CSMD1: variants seen among roughly 807,000 people sequenced by gnomAD.
CSMD1 encodes CUB and Sushi multiple domains 1.
Under a neutral mutation model 417.5 loss-of-function variants are expected in CSMD1, and 213 were observed. That is an observed-to-expected ratio of 0.51 (90% CI 0.46 to 0.57). The LOEUF is 0.57. CSMD1 is among the 20% of genes least tolerant of loss of function. The pLI is 0.00. For missense variants in CSMD1, 6,923 were observed against 4,529.7 expected (o/e 1.53, Z -15.17); for synonymous variants, 2,862 against 1,736.8 (o/e 1.65, Z -16.11).
At chr8:4,278,707 C>G (rs1198778210) in intron 3 of CSMD1, among the ~76,000 whole-genome samples, 2 of 152,086 alleles carry the variant, frequency 1.3e-5, no homozygotes, top group African/African-American at 4.8e-5. Flanking sequence ...CTAACAAAAC[C>G]AGCTTGTAAC....
chr8:4,851,610 G>T (rs1019566728), intron 1 of CSMD1, among the ~76,000 whole-genome samples: 1 of 152,012 alleles, frequency 6.6e-6, no homozygotes, highest in Non-Finnish European at 1.5e-5. Context: ...CCAACTCCAT[G>T]TGGGAGTTTC....
intron 3 of CSMD1, among the ~76,000 whole-genome samples, chr8:4,409,718 C>A (rs912069467): frequency 2.7e-5 from 4 of 150,888 alleles, no homozygotes; most frequent in African/African-American, 2.4e-5. Flanking sequence ...TGGACACAGG[C>A]TTCCCAAGAT....
chr8:3,663,132 G>T (rs7831960), intron 7 of CSMD1, among the ~76,000 whole-genome samples: 1,812 of 152,264 alleles, frequency 0.012, 40 homozygotes, highest in African/African-American at 0.042. Flanking sequence ...GGGGCCTCAG[G>T]AGAGGCCGAC....
chr8:3,287,116 C>A (rs551022252), intron 25 of CSMD1, among the ~76,000 whole-genome samples: 2 of 151,800 alleles, frequency 1.3e-5, no homozygotes, highest in East Asian at 3.9e-4. Context: ...TCAGGTTTGT[C>A]AAAGATCAGA....
intron 5 of CSMD1, among the ~76,000 whole-genome samples, chr8:3,809,175 A>C (rs1345891897): frequency 1.3e-5 from 2 of 152,026 alleles, no homozygotes; most frequent in South Asian, 2.1e-4. Context: ...CCTCATTCTT[A>C]CTGTCCTTTA....
At chr8:4,439,240 TTGC>T (rs1373908408) in intron 2 of CSMD1, among the ~76,000 whole-genome samples, 3 of 152,276 alleles carry the variant, frequency 2.0e-5, no homozygotes, top group East Asian at 3.9e-4. Flanking sequence ...ATGAAATATA[TTGC>T]TTCTATTAAA....
chr8:3,497,466 G>A (rs535547500), intron 10 of CSMD1, among the ~76,000 whole-genome samples: 153 of 152,138 alleles, frequency 1.0e-3, no homozygotes, highest in Non-Finnish European at 1.8e-3. Flanking sequence ...GAGTGCAGTG[G>A]TGCAATCTCA....
At chr8:4,030,133 G>T (rs1158280127) in intron 4 of CSMD1, among the ~76,000 whole-genome samples, 1 of 152,162 alleles carries the variant, frequency 6.6e-6, no homozygotes, top group Non-Finnish European at 1.5e-5. Flanking sequence ...CCAGGTGCAT[G>T]ATGCAAGGTG....
chr8:4,897,941 G>C (rs1207690848), intron 1 of CSMD1, among the ~76,000 whole-genome samples: 1 of 151,996 alleles, frequency 6.6e-6, no homozygotes, highest in Non-Finnish European at 1.5e-5. Context: ...CTAAACATAA[G>C]TCTAATTTTT....
chr8:3,438,715 A>G (rs1175858078), intron 12 of CSMD1, among the ~76,000 whole-genome samples: 3 of 152,136 alleles, frequency 2.0e-5, no homozygotes, highest in Non-Finnish European at 4.4e-5. Flanking sequence ...TATTCCTGCT[A>G]CTATTACTTA....
chr8:3,355,617 C>A (rs1415761562), intron 21 of CSMD1, among the ~76,000 whole-genome samples: 14 of 152,148 alleles, frequency 9.2e-5, no homozygotes, highest in African/African-American at 3.1e-4. Context: ...GGGGCTACAG[C>A]ACTGTATGTG....
intron 49 of CSMD1, among the ~76,000 whole-genome samples, chr8:3,054,230 G>A (rs1397806489): frequency 6.6e-6 from 1 of 152,178 alleles, no homozygotes; most frequent in Non-Finnish European, 1.5e-5. Flanking sequence ...AGAAGTAAAA[G>A]AAAATGTATT....
chr8:3,388,409 G>C (rs1811142647), intron 17 of CSMD1, among the ~76,000 whole-genome samples: 1 of 152,072 alleles, frequency 6.6e-6, no homozygotes, highest in East Asian at 1.9e-4. Flanking sequence ...ATGAGAATAA[G>C]GGAAAAGAAT....
At chr8:4,197,458 G>C (rs755346949) in intron 3 of CSMD1, among the ~76,000 whole-genome samples, 1 of 152,132 alleles carries the variant, frequency 6.6e-6, no homozygotes, top group African/African-American at 2.4e-5. Context: ...GGTGGGCCCC[G>C]TTTCATCACT....
chr8:3,793,039 G>C (rs1239966944), intron 5 of CSMD1, among the ~76,000 whole-genome samples: 2 of 152,130 alleles, frequency 1.3e-5, no homozygotes, highest in East Asian at 1.9e-4. Flanking sequence ...GGATGGGCGA[G>C]TGCTAAGAAT....
chr8:3,078,888 T>C (rs1342730374), intron 49 of CSMD1, among the ~76,000 whole-genome samples: 4 of 152,310 alleles, frequency 2.6e-5, no homozygotes, highest in Admixed American at 2.6e-4. Context: ...GCATGCGAGT[T>C]CCTTTTTTGT....
chr8:4,436,716 T>C (rs1039114424), intron 2 of CSMD1, among the ~76,000 whole-genome samples: 1 of 152,160 alleles, frequency 6.6e-6, no homozygotes, highest in East Asian at 1.9e-4. Context: ...ACTCCCTATG[T>C]CCATGAGTTT....
In CSMD1 at chr8:4,118,451, C is replaced by G. The variant is rs73173880; in HGVS notation, c.416-86352G>C. On this transcript the variant is annotated intron_variant, in intron 3 of 69. Coordinates refer to ENST00000635120, the MANE Select transcript of CSMD1 (RefSeq NM_033225.6). The stretch of plus-strand genomic sequence containing the variant: ...ACAAAGGATATGGACAGTCACTTCT[C>G]AAAAGAAGACATTTATGCAGCCAGC... Among the ~76,000 whole-genome samples the G allele has an allele frequency of 7.2e-3, 1,060 of 147,288 alleles. 9 individuals carry two copies. Among genetic ancestry groups the G allele is most frequent in the Admixed American group, 0.011 (157 of 14,588 alleles).
rs1480614033 is a variant in CSMD1 at position 4,994,775 on chromosome 8, G to A, written c.-359C>T. The A allele has an allele frequency of 2.2e-5, 5 of 226,866 alleles. No individual in the cohort carries two copies. Among genetic ancestry groups the A allele is most frequent in the Non-Finnish European group, 3.4e-5 (4 of 116,688 alleles). The allele number at this position is 226,866 out of a possible 1,614,324, so 14.1% of individuals were successfully genotyped here. A position where few individuals can be genotyped will look rare whatever the true frequency, so the allele number is the denominator to read the frequency against. On this transcript the variant is annotated 5_prime_UTR_variant, in exon 1 of 70. Transcript: ENST00000635120. The stretch of plus-strand genomic sequence containing the variant: ...CGCGCAGCCAGGAGAGACCTGGAGA[G>A]GAGGCAGCTGGAGAGAGAGCCAGCG...
Sources: allele counts gnomAD v4.1 joint callset (sites outside exome capture counted in the v4.1 genomes callset), GRCh38; gene constraint gnomAD v4.1.1; transcripts MANE v1.5; gene names NCBI Gene and HGNC (gene_info 2026-07-23, HGNC 2026-07-21).